Variants in WWOX observed in about 807,000 individuals in gnomAD.
The protein encoded by WWOX is WW domain containing oxidoreductase, also known as WW domain-containing oxidoreductase.
WWOX carries 69 observed loss-of-function variants against 46.2 expected under a neutral mutation model. That is an observed-to-expected ratio of 1.49 (90% CI 1.23 to 1.82). WWOX has a LOEUF of 1.82. Ranked by LOEUF, WWOX falls within the 40% of genes most tolerant of loss-of-function variation. The pLI is 0.00. For synonymous variants in WWOX, 359 were observed against 202.6 expected (o/e 1.77, Z -6.56); for missense variants, 919 against 542.6 (o/e 1.69, Z -6.89).
chr16:78,431,153 C>T (rs539919046), intron 7 of WWOX, among the ~76,000 whole-genome samples: 5 of 152,218 alleles, frequency 3.3e-5, no homozygotes, highest in Admixed American at 6.5e-5. Context: ...AAGAGACAAA[C>T]GGAAAGAAAC....
At chr16:78,228,716 A>G (rs1020004465) in intron 5 of WWOX, among the ~76,000 whole-genome samples, 2 of 152,128 alleles carry the variant, frequency 1.3e-5, no homozygotes, top group African/African-American at 4.8e-5. Flanking sequence ...TAAAATTGAA[A>G]CTTTCTGGTG....
At chr16:78,756,507 C>T in intron 8 of WWOX, among the ~76,000 whole-genome samples, 1 of 152,038 alleles carries the variant, frequency 6.6e-6, no homozygotes. Flanking sequence ...GGACTTTAGC[C>T]AGAACACACT....
At chr16:78,234,202 A>C (rs2037363307) in intron 5 of WWOX, among the ~76,000 whole-genome samples, 1 of 152,036 alleles carries the variant, frequency 6.6e-6, no homozygotes, top group Non-Finnish European at 1.5e-5. Context: ...TGTGAATGTT[A>C]ATATACAGCC....
chr16:79,101,343 C>T (rs367737019), intron 8 of WWOX: 3 of 152,176 alleles, frequency 2.0e-5, no homozygotes, highest in Non-Finnish European at 2.9e-5. Flanking sequence ...GACACAAGAT[C>T]GTTCGCAGGT....
intron 8 of WWOX, among the ~76,000 whole-genome samples, chr16:78,641,097 G>C (rs1434213947): frequency 2.6e-5 from 4 of 152,108 alleles, no homozygotes; most frequent in Non-Finnish European, 5.9e-5. Flanking sequence ...GGAGGGTTTG[G>C]GAGAGAAGCA....
At chr16:79,018,024 G>C (rs2047452384) in intron 8 of WWOX, among the ~76,000 whole-genome samples, 1 of 152,230 alleles carries the variant, frequency 6.6e-6, no homozygotes, top group Non-Finnish European at 1.5e-5. Context: ...ATTTGGCTTG[G>C]AGTTTCCTGG....
chr16:79,045,413 A>G (rs2048045921), intron 8 of WWOX, among the ~76,000 whole-genome samples: 1 of 152,188 alleles, frequency 6.6e-6, no homozygotes, highest in South Asian at 2.1e-4. Flanking sequence ...AGAGAGATGT[A>G]CATCATGATC....
chr16:78,202,220 C>T (rs1332797115), intron 5 of WWOX, among the ~76,000 whole-genome samples: 2 of 152,184 alleles, frequency 1.3e-5, no homozygotes, highest in East Asian at 1.9e-4. Flanking sequence ...ATCTTCCTTT[C>T]TAGGCTGGGC....
intron 8 of WWOX, among the ~76,000 whole-genome samples, chr16:78,965,728 C>T (rs917036013): frequency 1.3e-5 from 2 of 152,160 alleles, no homozygotes; most frequent in Non-Finnish European, 2.9e-5. Flanking sequence ...CGCATTGTGA[C>T]TTGATCCCAT....
intron 8 of WWOX, among the ~76,000 whole-genome samples, chr16:78,837,008 C>A (rs1479344213): frequency 6.6e-6 from 1 of 152,046 alleles, no homozygotes; most frequent in Non-Finnish European, 1.5e-5. Context: ...AACATAGAAG[C>A]CGCTTCTTCA....
chr16:79,044,197 T>C (rs1049123840), intron 8 of WWOX, among the ~76,000 whole-genome samples: 3 of 152,186 alleles, frequency 2.0e-5, no homozygotes, highest in African/African-American at 7.2e-5. Context: ...GCCCACAGTG[T>C]AGGCATTCAA....
chr16:79,016,638 G>C (rs1288172990), intron 8 of WWOX: 2 of 151,610 alleles, frequency 1.3e-5, no homozygotes, highest in Non-Finnish European at 2.9e-5. Context: ...GCTCAGGCTG[G>C]TCTCAAACTC....
intron 8 of WWOX, among the ~76,000 whole-genome samples, chr16:78,660,850 T>C (rs1410047476): frequency 6.6e-6 from 1 of 152,204 alleles, no homozygotes; most frequent in African/African-American, 2.4e-5. Flanking sequence ...CTATGTTTTG[T>C]TTATTACCTA....
intron 5 of WWOX, among the ~76,000 whole-genome samples, chr16:78,331,740 C>G (rs1315730725): frequency 2.0e-5 from 3 of 152,080 alleles, no homozygotes; most frequent in Admixed American, 6.5e-5. Flanking sequence ...GCTGTGTAGA[C>G]ATTGGTTTGT....
intron 8 of WWOX, among the ~76,000 whole-genome samples, chr16:78,949,658 ATCTGGACAAAGCCTTGAGGTAT>A (rs1186984417): frequency 6.6e-6 from 1 of 152,188 alleles, no homozygotes; most frequent in Non-Finnish European, 1.5e-5. Context: ...TGTTAACTCC[ATCTGGACAAAGCCTTGAGGTAT>A]ACGTGTGGCT....
intron 8 of WWOX, among the ~76,000 whole-genome samples, chr16:78,802,201 GGT>G (rs1491129878): frequency 1.7e-5 from 2 of 119,910 alleles, no homozygotes; most frequent in African/African-American, 6.0e-5. Flanking sequence ...TGTTTGTTTA[GGT>G]TTTTTTTTTT....
intron 8 of WWOX, among the ~76,000 whole-genome samples, chr16:78,818,077 G>A (rs1423494093): frequency 6.6e-6 from 1 of 152,166 alleles, no homozygotes; most frequent in Non-Finnish European, 1.5e-5. Context: ...GGGCCCATCA[G>A]AGCTAATCCC....
At chr16:78,673,887 A>C (rs1180129841) in intron 8 of WWOX, among the ~76,000 whole-genome samples, 1 of 152,182 alleles carries the variant, frequency 6.6e-6, no homozygotes, top group Non-Finnish European at 1.5e-5. Context: ...GCTATTTTAG[A>C]GACTACAGGG....
intron 6 of WWOX, among the ~76,000 whole-genome samples, chr16:78,411,222 T>G (rs968680492): frequency 1.3e-5 from 2 of 151,992 alleles, no homozygotes; most frequent in African/African-American, 4.8e-5. Flanking sequence ...GCATTGGGAG[T>G]CATTTGGACC....
Sources: gnomAD v4.1 joint callset for allele counts (sites outside exome capture counted in the v4.1 genomes callset) on GRCh38, gnomAD v4.1.1 for gene constraint, MANE v1.5 for transcripts, NCBI Gene and HGNC (gene_info 2026-07-23, HGNC 2026-07-21) for gene names.